CAMTA1: variants seen among roughly 807,000 people sequenced by gnomAD.
The protein encoded by CAMTA1 is calmodulin-binding transcription activator 1.
A neutral mutation model predicts 170.9 loss-of-function variants in CAMTA1; 27 were observed. That is an observed-to-expected ratio of 0.16 (90% CI 0.12 to 0.22). The LOEUF is 0.22. CAMTA1 is among the 10% of genes least tolerant of loss of function. The pLI is 1.00. For synonymous variants in CAMTA1, 833 were observed against 891.5 expected (o/e 0.93, Z 1.17); for missense variants, 1,619 against 2,217.2 (o/e 0.73, Z 5.42).
At chr1:7,259,960 A>G (rs1227098933) in intron 5 of CAMTA1, among the ~76,000 whole-genome samples, 1 of 152,202 alleles carries the variant, frequency 6.6e-6, no homozygotes, top group Non-Finnish European at 1.5e-5. Flanking sequence ...TTTGGTGCCA[A>G]ATAACTACAT....
chr1:7,124,704 C>T (rs539998229), intron 4 of CAMTA1, among the ~76,000 whole-genome samples: 17 of 152,362 alleles, frequency 1.1e-4, no homozygotes, highest in African/African-American at 3.1e-4. Context: ...TCATGGGTCT[C>T]GTTCTTGAGT....
At chr1:7,228,041 G>C (rs1434912219) in intron 4 of CAMTA1, among the ~76,000 whole-genome samples, 1 of 152,230 alleles carries the variant, frequency 6.6e-6, no homozygotes, top group Non-Finnish European at 1.5e-5. Flanking sequence ...TCTATGAAAT[G>C]ATATGTCTGA....
chr1:7,385,986 C>G (rs2087919579), intron 5 of CAMTA1, among the ~76,000 whole-genome samples: 1 of 152,174 alleles, frequency 6.6e-6, no homozygotes. Flanking sequence ...GTGCCTCCCC[C>G]ATGCTAAGGG....
At chr1:7,222,534 C>T (rs1660978060) in intron 4 of CAMTA1, among the ~76,000 whole-genome samples, 1 of 152,176 alleles carries the variant, frequency 6.6e-6, no homozygotes, top group African/African-American at 2.4e-5. Context: ...TGGCTGTGCT[C>T]AGGCGGAGAG....
At chr1:6,926,425 CTTTCTTTCTTTTCTCTT>C (rs1354523539) in intron 3 of CAMTA1, among the ~76,000 whole-genome samples, 1 of 140,756 alleles carries the variant, frequency 7.1e-6, no homozygotes, top group African/African-American at 2.7e-5. Context: ...TTTCTTTTCT[CTTTCTTTCTTTTCTCTT>C]TCTTTCTTTC....
chr1:7,667,250 C>T (rs1018470296), intron 9 of CAMTA1, among the ~76,000 whole-genome samples: 1 of 152,060 alleles, frequency 6.6e-6, no homozygotes, highest in Non-Finnish European at 1.5e-5. Context: ...GCCCACCACA[C>T]CCCCCACCCC....
At chr1:7,233,715 G>A (rs529719391) in intron 4 of CAMTA1, among the ~76,000 whole-genome samples, 1 of 152,134 alleles carries the variant, frequency 6.6e-6, no homozygotes, top group Non-Finnish European at 1.5e-5. Flanking sequence ...CCATGGCCTC[G>A]AGAGCAATGT....
At chr1:7,194,959 A>G (rs948291627) in intron 4 of CAMTA1, among the ~76,000 whole-genome samples, 2 of 152,146 alleles carry the variant, frequency 1.3e-5, no homozygotes, top group Non-Finnish European at 2.9e-5. Context: ...TGTTTTTGAG[A>G]TTGATTCCTA....
At position 7,183,298 on chromosome 1, in the gene CAMTA1, T is replaced by TC. The variant is rs550441005; in HGVS notation, c.303-66186dup. Among the ~76,000 whole-genome samples, 28 of 151,296 alleles carry TC rather than the reference T, an allele frequency of 1.9e-4. 1 individual carries two copies. In the South Asian group the frequency reaches 2.5e-3, roughly 14 times the overall value. The stretch of plus-strand genomic sequence containing the variant: ...GAGAGACCAAGCCTTTTTTGAGGGA[T>TC]CCCCCCCAATGACCCCAATAACTCC... On this transcript the variant is annotated intron_variant, in intron 4 of 22. Transcript: ENST00000303635.
chr1:6,950,339 A>T (rs772260707), intron 3 of CAMTA1, among the ~76,000 whole-genome samples: 5 of 152,184 alleles, frequency 3.3e-5, no homozygotes, highest in Non-Finnish European at 5.9e-5. Flanking sequence ...TGCTTTTGTT[A>T]TATTTTTAAA....
In CAMTA1 at chr1:7,230,645, G is replaced by T. The variant is rs138803449; in HGVS notation, c.303-18846G>T. On this transcript the variant is annotated intron_variant, in intron 4 of 22. Coordinates refer to ENST00000303635, the MANE Select transcript of CAMTA1 (RefSeq NM_015215.4). ...TGTTTAGCCAAGGAGGTGGAGGGTGGAGGGTTATCCCTCAGGCTCTTCAGC... is the reference window on the plus strand; with the variant it reads ...TGTTTAGCCAAGGAGGTGGAGGGTGTAGGGTTATCCCTCAGGCTCTTCAGC... Among the ~76,000 whole-genome samples, 257 of 152,300 alleles carry T rather than the reference G, an allele frequency of 1.7e-3. 2 individuals are homozygous for T. Among genetic ancestry groups the T allele is most frequent in the African/African-American group, 5.9e-3 (247 of 41,564 alleles).
intron 4 of CAMTA1, among the ~76,000 whole-genome samples, chr1:7,101,145 C>A (rs555796659): frequency 2.6e-5 from 4 of 152,290 alleles, no homozygotes; most frequent in Admixed American, 2.6e-4. Flanking sequence ...TTTCTGGCGC[C>A]CCGCAGGCCC....
intron 5 of CAMTA1, among the ~76,000 whole-genome samples, chr1:7,344,896 G>A (rs1342576790): frequency 7.0e-6 from 1 of 142,180 alleles, no homozygotes; most frequent in Non-Finnish European, 1.5e-5. Context: ...ACAGGCGCCT[G>A]CCACCATGCC....
rs185888032 is a variant in CAMTA1 at position 7,284,401 on chromosome 1, G to A, written c.438+34775G>A. Among the ~76,000 whole-genome samples the A allele has an allele frequency of 8.1e-3, 1,233 of 151,760 alleles. 10 individuals are homozygous for A. Among genetic ancestry groups the A allele is most frequent in the Non-Finnish European group, 0.012 (841 of 67,908 alleles). ...GTATTTTTAGTAGAGATGGGGTTTC[G>A]CCATGTTAGCCAGGCTGGTCTTGAA... On this transcript the variant is annotated intron_variant, in intron 5 of 22. Coordinates refer to ENST00000303635, the MANE Select transcript of CAMTA1 (RefSeq NM_015215.4).
chr1:6,963,446 G>A (rs150679467), intron 3 of CAMTA1, among the ~76,000 whole-genome samples: 358 of 152,052 alleles, frequency 2.4e-3, no homozygotes, highest in African/African-American at 8.3e-3. Context: ...GCAGCGGCAA[G>A]CGTGATTTAT....
In CAMTA1 at chr1:7,173,741, C is replaced by A. The variant is rs190385609; in HGVS notation, c.303-75750C>A. 1.3e-5 allele frequency among the ~76,000 whole-genome samples: 2 copies of A among 151,724 alleles called. No homozygotes were observed. The highest frequency in any genetic ancestry group is 2.9e-5 in the Non-Finnish European group (2 of 67,960). On this transcript the variant is annotated intron_variant, in intron 4 of 22. Transcript: ENST00000303635. This position sits in a 1 kb window ranked among gnomAD's most constrained non-coding sequence, Gnocchi z 5.4. The stretch of plus-strand genomic sequence containing the variant: ...TCTTTCTAGCCTTCTTTACATGGTC[C>A]CTGGCTTGACTGGGGGTTGGGAGGT...
At chr1:6,827,408 G>A (rs1207382591) in intron 3 of CAMTA1, among the ~76,000 whole-genome samples, 2 of 152,164 alleles carry the variant, frequency 1.3e-5, no homozygotes, top group Admixed American at 1.3e-4. Flanking sequence ...CTCTGTAGAG[G>A]ACCTTGACTT....
chr1:7,020,502 C>T (rs746350776), intron 3 of CAMTA1, among the ~76,000 whole-genome samples: 3 of 152,176 alleles, frequency 2.0e-5, no homozygotes, highest in Non-Finnish European at 4.4e-5. Context: ...ATGACAAGAT[C>T]GCCTAATGAC....
chr1:7,441,802 G>A (rs1488078590), intron 5 of CAMTA1, among the ~76,000 whole-genome samples: 1 of 152,190 alleles, frequency 6.6e-6, no homozygotes, highest in Non-Finnish European at 1.5e-5. Context: ...ACAAAGAGCA[G>A]CAAATCCCAT....
Sources: allele counts gnomAD v4.1 joint callset (sites outside exome capture counted in the v4.1 genomes callset), GRCh38; gene constraint gnomAD v4.1.1; non-coding constraint Gnocchi (gnomAD v3.1); transcripts MANE v1.5; gene names NCBI Gene and HGNC (gene_info 2026-07-23, HGNC 2026-07-21).